Variants in CEP63 observed in about 807,000 individuals in gnomAD.
CEP63 encodes centrosomal protein of 63 kDa.
A neutral mutation model predicts 89.1 loss-of-function variants in CEP63; 84 were observed. That is an observed-to-expected ratio of 0.94 (90% CI 0.79 to 1.13). The LOEUF is 1.13. CEP63 is among the 50% of genes most tolerant of loss of function. The pLI, the probability that CEP63 is intolerant of heterozygous loss-of-function variation, is 0.00. For synonymous variants in CEP63, 267 were observed against 272.5 expected (o/e 0.98, Z 0.20); for missense variants, 838 against 813.3 (o/e 1.03, Z -0.37).
intron 3 of CEP63, among the ~76,000 whole-genome samples, chr3:134,519,944 A>G (rs1350611398): frequency 6.6e-6 from 1 of 152,180 alleles, no homozygotes; most frequent in Non-Finnish European, 1.5e-5. Context: ...TAATCTAGTA[A>G]AATGGTATAT....
rs1957661710 is a variant in CEP63, at chr3:134,564,763, C to T, written c.*3228C>T. The stretch of plus-strand genomic sequence containing the variant: ...AGTTTTAGACAGTCCCAAGCTTCAG[C>T]TTAAAATCTGTAGACTGCAGCCCGT... On this transcript the variant is annotated 3_prime_UTR_variant, in exon 15 of 15. Transcript: ENST00000675561. 1 of 985,314 alleles carries T rather than the reference C, an allele frequency of 1.0e-6. No individual in the cohort carries two copies. Among genetic ancestry groups the T allele is most frequent in the Non-Finnish European group, 1.2e-6 (1 of 829,936 alleles). 61.0% of individuals were successfully genotyped at this position (985,314 alleles called of 1,614,324 possible).
the CEP63 span, among the ~76,000 whole-genome samples, chr3:134,699,551 T>A: frequency 6.6e-6 from 1 of 152,066 alleles, no homozygotes; most frequent in African/African-American, 2.4e-5. Flanking sequence ...TGGCAAACAC[T>A]TTGTTCTTGG....
the CEP63 span, among the ~76,000 whole-genome samples, chr3:134,769,081 G>A: frequency 1.3e-5 from 2 of 152,086 alleles, no homozygotes; most frequent in African/African-American, 4.8e-5. Flanking sequence ...AAGTAGAAGC[G>A]CTTTGGGTGG....
chr3:134,685,568 A>G, the CEP63 span, among the ~76,000 whole-genome samples: 1 of 143,844 alleles, frequency 7.0e-6, no homozygotes, highest in Non-Finnish European at 1.6e-5. Flanking sequence ...CCCTTTCTGA[A>G]GAATGTCCTG....
At chr3:134,616,580 C>G in the CEP63 span, among the ~76,000 whole-genome samples, 2 of 152,210 alleles carry the variant, frequency 1.3e-5, no homozygotes, top group East Asian at 1.9e-4. Context: ...CTACACATCT[C>G]AGGCAGTGTG....
At chr3:134,565,891 T>C (rs1389655879), downstream of CEP63, among the ~76,000 whole-genome samples, 1 of 152,114 alleles carries the variant, frequency 6.6e-6, no homozygotes, top group African/African-American at 2.4e-5. Context: ...TTTTCATAAC[T>C]GGTAATAATA....
the CEP63 span, among the ~76,000 whole-genome samples, chr3:134,762,130 C>CTTAT: frequency 6.6e-6 from 1 of 152,096 alleles, no homozygotes; most frequent in Non-Finnish European, 1.5e-5. Context: ...AGGTCTTTGC[C>CTTAT]TACATGATGA....
chr3:134,739,605 C>T, the CEP63 span, among the ~76,000 whole-genome samples: 3 of 151,948 alleles, frequency 2.0e-5, no homozygotes, highest in South Asian at 6.2e-4. Flanking sequence ...GGATGACTCT[C>T]GTAAACATAA....
the CEP63 span, chr3:134,597,946 GGA>G: frequency 6.6e-6 from 1 of 152,216 alleles, no homozygotes; most frequent in African/African-American, 2.4e-5. Flanking sequence ...CCATGGATGT[GGA>G]GAGTCTGGCT....
At chr3:134,602,487 G>C in the CEP63 span, among the ~76,000 whole-genome samples, 1 of 152,154 alleles carries the variant, frequency 6.6e-6, no homozygotes, top group African/African-American at 2.4e-5. Flanking sequence ...AGCTGCTCTC[G>C]TGCAGCTGGA....
the CEP63 span, among the ~76,000 whole-genome samples, chr3:134,650,620 T>TC: frequency 7.9e-5 from 12 of 152,212 alleles, no homozygotes; most frequent in Middle Eastern, 3.4e-3. Flanking sequence ...ACTGGGGCAA[T>TC]CACGGGGCTG....
chr3:134,562,064 G>C lies in CEP63; in HGVS notation c.*529G>C. 2 of 991,328 alleles carry C rather than the reference G, an allele frequency of 2.0e-6. No homozygotes were observed. Among genetic ancestry groups the C allele is most frequent in the Non-Finnish European group, 1.2e-6 (1 of 833,294 alleles). 61.4% of individuals were successfully genotyped at this position (991,328 alleles called of 1,614,324 possible). Reference sequence around the variant, plus strand: ...GTAAAGTCAGGCTGGTAGTGAATAAGGGGGGGGTGTGCTAAAGAACCTTAT... The same window carrying C: ...GTAAAGTCAGGCTGGTAGTGAATAACGGGGGGGTGTGCTAAAGAACCTTAT... On this transcript the variant is annotated 3_prime_UTR_variant, in exon 15 of 15. Coordinates refer to ENST00000675561, the MANE Select transcript of CEP63 (RefSeq NM_001353108.3).
rs543166776 is a variant in CEP63 at position 134,531,841 on chromosome 3, T to C, written c.223-4T>C. On this transcript the variant is annotated splice_polypyrimidine_tract_variant and splice_region_variant and intron_variant, in intron 3 of 14. Transcript: ENST00000675561. ...GAAAAATACTACCACCTTTCTGCTT[T>C]TAGGTTGGAATGTTGCATCAGCAGG... 5 of 1,609,158 alleles carry C rather than the reference T, an allele frequency of 3.1e-6. No individual in the cohort carries two copies. In the South Asian group the frequency reaches 5.5e-5, roughly 18 times the overall value.
chr3:134,656,648 A>G, the CEP63 span, among the ~76,000 whole-genome samples: 1 of 152,180 alleles, frequency 6.6e-6, no homozygotes. Context: ...GTGTAAGAAA[A>G]GGAGGATATT....
intron 3 of CEP63, among the ~76,000 whole-genome samples, chr3:134,528,569 C>CGTGTGCGTGTGTGTGT (rs1553763958): frequency 6.8e-6 from 1 of 147,024 alleles, no homozygotes; most frequent in African/African-American, 2.5e-5. Context: ...TGTGTGTGTG[C>CGTGTGCGTGTGTGTGT]GTGTGTGTGT....
the CEP63 span, chr3:134,607,100 A>T: frequency 1.0e-6 from 1 of 985,426 alleles, no homozygotes; most frequent in Admixed American, 6.1e-5. Flanking sequence ...CCACTCAATG[A>T]CATCAGTTTG....
At chr3:134,604,335 G>A in the CEP63 span, 1 of 1,613,998 alleles carries the variant, frequency 6.2e-7, no homozygotes, top group Non-Finnish European at 8.5e-7. Context: ...GCTTGTGAGT[G>A]CCCATGGTTG....
In CEP63 at chr3:134,525,813, T is replaced by A. The variant is rs549052966; in HGVS notation, c.223-6032T>A. On this transcript the variant is annotated intron_variant, in intron 3 of 14. Coordinates refer to ENST00000675561, the MANE Select transcript of CEP63 (RefSeq NM_001353108.3). ...TTTCTGCCAAGAGGTCTACCATTAG[T>A]CTGATATTCCCTTTATAGGTGACCT... Among the ~76,000 whole-genome samples the A allele has an allele frequency of 5.8e-4, 89 of 152,334 alleles. 1 individual carries two copies. Among genetic ancestry groups the A allele is most frequent in the Admixed American group, 1.0e-3 (16 of 15,302 alleles).
chr3:134,568,923 G>A (rs1293319602), downstream of CEP63, among the ~76,000 whole-genome samples: 4 of 152,186 alleles, frequency 2.6e-5, no homozygotes, highest in African/African-American at 9.7e-5. Context: ...ACAGTTCCAC[G>A]TGGCTGAAAC....
Sources: gnomAD v4.1 joint callset for allele counts (sites outside exome capture counted in the v4.1 genomes callset) on GRCh38, gnomAD v4.1.1 for gene constraint, MANE v1.5 for transcripts, NCBI Gene and HGNC (gene_info 2026-07-23, HGNC 2026-07-21) for gene names.